The following AMBRA1 variants were observed in gnomAD, a reference collection of about 807,000 sequenced individuals.
AMBRA1 encodes the protein autophagy and beclin 1 regulator 1.
Under a neutral mutation model 125.4 loss-of-function variants are expected in AMBRA1, and 47 were observed. That is an observed-to-expected ratio of 0.37 (90% CI 0.30 to 0.48). The LOEUF is 0.48. AMBRA1 is among the 20% of genes least tolerant of loss of function. The probability of loss-of-function intolerance (pLI) is 0.99; values close to 1 mark genes in which losing one functional copy is unlikely to be tolerated. For missense variants in AMBRA1, 1,331 were observed against 1,693.4 expected, an observed-to-expected ratio of 0.79 and a Z score of 3.76; for synonymous variants, 626 against 655.5, an observed-to-expected ratio of 0.95 and a Z score of 0.69.
At chr11:46,566,779 C>T (rs1315988870) in intron 1 of AMBRA1, among the ~76,000 whole-genome samples, 3 of 152,160 alleles carry the variant, frequency 2.0e-5, no homozygotes, top group Non-Finnish European at 4.4e-5. Context: ...CTTGGTCATT[C>T]CTGTGCGTAG....
At position 46,417,932 on chromosome 11, in the gene AMBRA1, G is replaced by A; in HGVS notation, c.3097C>T (p.Leu1033=). 1 of 1,609,824 alleles carries A rather than the reference G, an allele frequency of 6.2e-7. No homozygotes were observed. The highest frequency in any genetic ancestry group is 8.5e-7 in the Non-Finnish European group (1 of 1,176,966). The change falls in exon 15 of 18, where the codon CTG becomes TTG. Residue 1033 remains leucine (L), a synonymous_variant. Transcript: ENST00000683756. ...GLAYGTNKGD[L]VICRPEALNS... The stretch of plus-strand genomic sequence containing the variant: ...ACTTACTCTGGTCGGCAGATCACCA[G>A]GTCTCCTTTGTTAGTACCATAGGCC...
At chr11:46,508,072 A>C in intron 9 of AMBRA1, 119 bp downstream of exon 9, 1 of 1,076,924 alleles carries the variant, frequency 9.3e-7, no homozygotes, top group Non-Finnish European at 1.4e-6. Context: ...GCTACTCATA[A>C]ATAATAATTG....
rs564628323 is a variant in AMBRA1, at chr11:46,483,817, G to C, written c.2521+9791C>G. On this transcript the variant is annotated intron_variant, in intron 11 of 17. Coordinates refer to ENST00000683756, the MANE Select transcript of AMBRA1 (RefSeq NM_001387011.1). ...GGAGGCTGAGACAGGAGAATTGCTT[G>C]AATCTGGGAGGTGGAGGTTGCAGGA... Among the ~76,000 whole-genome samples the C allele has an allele frequency of 1.1e-4, 17 of 152,220 alleles. No individual in the cohort carries two copies. The East Asian group carries it at 2.7e-3, about 24-fold the overall frequency.
chr11:46,467,821 C>T (rs1009075662), intron 11 of AMBRA1, among the ~76,000 whole-genome samples: 1 of 152,116 alleles, frequency 6.6e-6, no homozygotes, highest in Non-Finnish European at 1.5e-5. Flanking sequence ...GCACCTGGCC[C>T]TTTTACTGTT....
At chr11:46,569,976 T>C (rs966608159) in intron 1 of AMBRA1, among the ~76,000 whole-genome samples, 1 of 147,810 alleles carries the variant, frequency 6.8e-6, no homozygotes, top group African/African-American at 2.5e-5. Flanking sequence ...AAATAAATAA[T>C]AAAGGCCAGG....
rs533743539 is a variant in AMBRA1, at chr11:46,497,929, G to A, written c.2340-3725C>T. 9.2e-5 allele frequency among the ~76,000 whole-genome samples: 14 copies of A among 152,302 alleles called. No homozygotes were observed. In the South Asian group the frequency reaches 2.9e-3, roughly 32 times the overall value. On this transcript the variant is annotated intron_variant, in intron 9 of 17. Transcript: ENST00000683756. The stretch of plus-strand genomic sequence containing the variant: ...TCAATGCATGGGATATTTAGTGGAA[G>A]AACTGAAGGGAGAGGGATAAGTTCC...
intron 14 of AMBRA1, among the ~76,000 whole-genome samples, chr11:46,421,087 T>G (rs1946828657): frequency 6.6e-6 from 1 of 152,208 alleles, no homozygotes; most frequent in South Asian, 2.1e-4. Flanking sequence ...ATTTGCTTCT[T>G]AGTATAGGAA....
Position 46,450,544 on chromosome 11 carries a change from A to G in AMBRA1, c.2522-6946T>C, listed in dbSNP as rs140624115. Among the ~76,000 whole-genome samples the G allele has an allele frequency of 6.4e-3, 967 of 151,788 alleles. 9 individuals carry two copies. Among genetic ancestry groups the G allele is most frequent in the African/African-American group, 0.023 (935 of 41,370 alleles). On this transcript the variant is annotated intron_variant, in intron 11 of 17. Transcript: ENST00000683756. ...AGCCTCAATTTTCTGGGCTCAGATG[A>G]TCCTCCCACCTCAGCCTCCCGAGTA... is the stretch of plus-strand genomic sequence containing the variant.
chr11:46,468,468 T>A (rs1949424498), intron 11 of AMBRA1, among the ~76,000 whole-genome samples: 1 of 151,814 alleles, frequency 6.6e-6, no homozygotes, highest in South Asian at 2.1e-4. Context: ...TCCTCCCACC[T>A]CAGCCTCCTA....
intron 7 of AMBRA1, among the ~76,000 whole-genome samples, chr11:46,524,701 T>C (rs1951894325): frequency 1.3e-5 from 2 of 152,236 alleles, no homozygotes; most frequent in Non-Finnish European, 2.9e-5. Flanking sequence ...CAGCCATTAC[T>C]ATTTTTTTCT....
intron 8 of AMBRA1, among the ~76,000 whole-genome samples, chr11:46,510,302 A>G (rs1951207715): frequency 6.6e-6 from 1 of 152,224 alleles, no homozygotes; most frequent in African/African-American, 2.4e-5. Context: ...GTTCCCATGC[A>G]TTTTGCAAGG....
intron 7 of AMBRA1, among the ~76,000 whole-genome samples, chr11:46,513,682 C>T (rs1314986116): frequency 1.3e-5 from 2 of 152,148 alleles, no homozygotes; most frequent in Admixed American, 6.6e-5. Flanking sequence ...AGACCTTCCA[C>T]GGTCCAGGCA....
At chr11:46,543,574 C>T (rs112141417) in intron 6 of AMBRA1, among the ~76,000 whole-genome samples, 176 bp from the exon 7 acceptor site, 11 of 152,190 alleles carry the variant, frequency 7.2e-5, no homozygotes, top group African/African-American at 2.4e-4. Flanking sequence ...AAAATAATCA[C>T]ATGGTATTAA....
chr11:46,578,829 C>T (rs568137486), intron 1 of AMBRA1, among the ~76,000 whole-genome samples: 1 of 138,538 alleles, frequency 7.2e-6, no homozygotes, highest in East Asian at 2.2e-4. Flanking sequence ...TGCAGTGAGC[C>T]GAGATTGCAC....
intron 11 of AMBRA1, among the ~76,000 whole-genome samples, chr11:46,456,059 A>G (rs1396493516): frequency 6.6e-6 from 1 of 152,250 alleles, no homozygotes; most frequent in Non-Finnish European, 1.5e-5. Context: ...ACAAGTAATT[A>G]TGAAAGCAGA....
chr11:46,447,709 T>TAGATAGAC (rs1450514784), intron 11 of AMBRA1, among the ~76,000 whole-genome samples: 3 of 42 alleles, frequency 0.071, no homozygotes, highest in African/African-American at 0.1. Context: ...GACCATCTTG[T>TAGATAGAC]AGATAGATAG....
intron 15 of AMBRA1, among the ~76,000 whole-genome samples, chr11:46,410,758 G>A (rs1260441904): frequency 6.6e-6 from 1 of 152,224 alleles, no homozygotes; most frequent in Admixed American, 6.5e-5. Context: ...CCACTGGAGA[G>A]ATACAGAGCC....
intron 1 of AMBRA1, among the ~76,000 whole-genome samples, chr11:46,552,678 CAA>C (rs571647388): frequency 2.3e-4 from 13 of 57,406 alleles, no homozygotes; most frequent in Admixed American, 4.0e-4. Flanking sequence ...GATTCTGTCT[CAA>C]AAAAAAAAAA....
chr11:46,442,449 A>G (rs1948066391), intron 12 of AMBRA1, among the ~76,000 whole-genome samples: 2 of 152,056 alleles, frequency 1.3e-5, no homozygotes, highest in Non-Finnish European at 2.9e-5. Context: ...GGCTGAAAGA[A>G]TATTTTAACA....
Sources: allele counts gnomAD v4.1 joint callset (sites outside exome capture counted in the v4.1 genomes callset), GRCh38; gene constraint gnomAD v4.1.1; transcripts MANE v1.5; gene names NCBI Gene and HGNC (gene_info 2026-07-23, HGNC 2026-07-21).